The following AMZ1 variants were observed in gnomAD, a reference collection of about 807,000 sequenced individuals.
AMZ1 encodes archaelysin family metallopeptidase 1, also known as archaemetzincin-1.
AMZ1 carries 39 observed loss-of-function variants against 29.9 expected under a neutral mutation model. The ratio of observed to expected loss-of-function variants is 1.30; its 90% CI spans 1.01 to 1.70. The LOEUF (loss-of-function observed/expected upper bound fraction) is 1.70. Among genes scored for constraint, AMZ1 ranks in the 40% most tolerant of loss-of-function variants. AMZ1 has a pLI of 0.00. For synonymous variants in AMZ1, 458 were observed against 304.0 expected (o/e 1.51, Z -5.27); for missense variants, 1,041 against 680.6 (o/e 1.53, Z -5.89).
chr7:2,734,825 G>A (rs1298975373), intron 4 of AMZ1, among the ~76,000 whole-genome samples: 1 of 152,116 alleles, frequency 6.6e-6, no homozygotes, highest in Non-Finnish European at 1.5e-5. Flanking sequence ...GCGAGCACGT[G>A]CACCTCGTGA....
rs551584142 is a variant in AMZ1 at position 2,711,343 on chromosome 7, C to T, written c.949-987C>T. Among the ~76,000 whole-genome samples, 6 of 152,328 alleles carry T rather than the reference C, an allele frequency of 3.9e-5. No homozygotes were observed. In the East Asian group the frequency reaches 1.2e-3, roughly 29 times the overall value. On this transcript the variant is annotated intron_variant, in intron 6 of 6. Transcript: ENST00000683327. ...TCCACTGACAGCAATCAGTGAAATG[C>T]CTCTTGAAGAAAGCCTGACTTGTTG... is the stretch of plus-strand genomic sequence containing the variant.
At position 2,713,233 on chromosome 7, in the gene AMZ1, C is replaced by G. The variant is rs1562377051; in HGVS notation, c.*355C>G. 5.6e-6 allele frequency: 1 copy of G among 178,810 alleles called. No individual in the cohort carries two copies. The highest frequency in any genetic ancestry group is 1.2e-5 in the Non-Finnish European group (1 of 86,034). 11.1% of individuals were successfully genotyped at this position (178,810 alleles called of 1,614,324 possible). On this transcript the variant is annotated 3_prime_UTR_variant, in exon 7 of 7. Coordinates refer to ENST00000683327, the MANE Select transcript of AMZ1 (RefSeq NM_001384743.1). ...CTGCAGTCTGGGCCACACAGAAAGA[C>G]TGTCTCCAGAAAAAAAAAAGTTCTT...
chr7:2,704,795 A>T (rs1788255018), intron 3 of AMZ1, among the ~76,000 whole-genome samples: 1 of 151,692 alleles, frequency 6.6e-6, no homozygotes, highest in Non-Finnish European at 1.5e-5. Context: ...ACGGGGTTTC[A>T]CCGTGTTAGC....
At chr7:2,723,316 G>C (rs992629649), downstream of AMZ1, among the ~76,000 whole-genome samples, 7 of 152,226 alleles carry the variant, frequency 4.6e-5, no homozygotes, top group Admixed American at 1.3e-4. Flanking sequence ...ATGCACCCGG[G>C]TGCATCCAGA....
chr7:2,761,525 C>T (rs551673251), upstream of AMZ1, among the ~76,000 whole-genome samples: 9 of 152,336 alleles, frequency 5.9e-5, no homozygotes, highest in South Asian at 1.7e-3. Flanking sequence ...CTAAAAAGAG[C>T]TGGAACGGAC....
rs1026980800 is a variant in AMZ1, at chr7:2,702,810, C to T, written c.393C>T (p.Cys131=). The T allele has an allele frequency of 5.8e-6, 9 of 1,552,102 alleles. No homozygotes were observed. Among genetic ancestry groups the T allele is most frequent in the African/African-American group, 5.5e-5 (4 of 73,378 alleles). The change falls in exon 3 of 7, where the codon TGC becomes TGT. Residue 131 remains cysteine, a synonymous_variant. Transcript: ENST00000683327. ...TCTTCCTGGGCCTGCGCGTCAAGTG[C>T]CTGCCGTCGGTGGCAGCCGCGTCCA... The part of the protein sequence containing the change: ...EAFFLGLRVK[C]LPSVAAASIR...
intron 4 of AMZ1, among the ~76,000 whole-genome samples, chr7:2,756,822 G>A (rs1791321198): frequency 1.3e-5 from 2 of 152,168 alleles, no homozygotes; most frequent in South Asian, 2.1e-4. Flanking sequence ...CTTGGGCCAG[G>A]TATGGTGGCT....
chr7:2,716,483 G>C lies in AMZ1; in HGVS notation c.*3605G>C, dbSNP rs553229413. 2 of 146,696 alleles carry C rather than the reference G, an allele frequency of 1.4e-5. No homozygotes were observed. The highest frequency in any genetic ancestry group is 3.0e-5 in the Non-Finnish European group (2 of 66,936). 9.1% of individuals were successfully genotyped at this position (146,696 alleles called of 1,614,324 possible). On this transcript the variant is annotated 3_prime_UTR_variant, in exon 7 of 7. Coordinates refer to ENST00000683327, the MANE Select transcript of AMZ1 (RefSeq NM_001384743.1). ...TAATATTTGCTTCAGACCTTTCCCCGATGAACGAAATCTCCAAAAGCCTTA... is the reference window on the plus strand; with the variant it reads ...TAATATTTGCTTCAGACCTTTCCCCCATGAACGAAATCTCCAAAAGCCTTA...
chr7:2,679,936 G>A (rs1050057461), intron 1 of AMZ1, among the ~76,000 whole-genome samples: 6 of 152,216 alleles, frequency 3.9e-5, no homozygotes, highest in African/African-American at 1.4e-4. Context: ...AGGGTGCCTC[G>A]TAGGCAGAGG....
In AMZ1 at chr7:2,756,697, G is replaced by A. The variant is rs534031874; in HGVS notation, n.551-8015G>A. Among the ~76,000 whole-genome samples the A allele has an allele frequency of 1.7e-3, 264 of 152,342 alleles. 3 individuals carry two copies. The highest frequency in any genetic ancestry group is 5.9e-3 in the African/African-American group (244 of 41,584). On this transcript the variant is annotated intron_variant and non_coding_transcript_variant, in intron 4 of 4. Coordinates refer to the AMZ1 transcript ENST00000489665. ...TTCTGTGCTGTCAGAATTCTAAGAT[G>A]AGCCTCGATGACAGACGCCCCTGTC... is the stretch of plus-strand genomic sequence containing the variant.
At chr7:2,720,741 A>G (rs1259476880), downstream of AMZ1, among the ~76,000 whole-genome samples, 1 of 150,706 alleles carries the variant, frequency 6.6e-6, no homozygotes, top group Non-Finnish European at 1.5e-5. Context: ...GGGTCTTGCT[A>G]TGTTGCCCAG....
At position 2,702,750 on chromosome 7, in the gene AMZ1, C is replaced by A. The variant is rs1334270805; in HGVS notation, c.333C>A (p.Ser111=). ...TGAGCGAGGAGCCGGTGGGAAGCTC[C>A]CTGCTGCACCAGCTGTGCAGCTGCA... ...IDLSEEPVGS[S]LLHQLCSCTE... The change falls in exon 3 of 7, where the codon TCC becomes TCA. Residue 111 remains serine, a synonymous_variant. Coordinates refer to ENST00000683327, the MANE Select transcript of AMZ1 (RefSeq NM_001384743.1). The A allele has an allele frequency of 1.3e-6, 2 of 1,539,104 alleles. No individual in the cohort carries two copies. The highest frequency in any genetic ancestry group is 2.0e-5 in the Admixed American group (1 of 50,994).
intron 1 of AMZ1, among the ~76,000 whole-genome samples, chr7:2,696,515 C>A (rs894033790): frequency 3.8e-4 from 57 of 151,264 alleles, no homozygotes; most frequent in Non-Finnish European, 6.6e-4. Context: ...CCTGGGCCTC[C>A]CAAAGTGCTG....
At position 2,715,977 on chromosome 7, in the gene AMZ1, C is replaced by G. The variant is rs746126336; in HGVS notation, c.*3099C>G. On this transcript the variant is annotated 3_prime_UTR_variant, in exon 7 of 7. Transcript: ENST00000683327. ...GCTTTCTCGTCTCATCTGTCAGAAG[C>G]CCCTGCATTCACAAGGATGGGTCTT... 6.6e-6 allele frequency: 1 copy of G among 152,240 alleles called. No individual in the cohort carries two copies. The highest frequency in any genetic ancestry group is 1.5e-5 in the Non-Finnish European group (1 of 68,046). The allele number at this position is 152,240 out of a possible 1,614,324, so 9.4% of individuals were successfully genotyped here.
intron 4 of AMZ1, among the ~76,000 whole-genome samples, chr7:2,755,960 T>C (rs951349659): frequency 3.9e-5 from 6 of 152,180 alleles, no homozygotes; most frequent in South Asian, 2.1e-4. Flanking sequence ...TTGGTAGAAA[T>C]TGACAAGCTC....
At chr7:2,741,915 C>T (rs931737567) in intron 4 of AMZ1, among the ~76,000 whole-genome samples, 1 of 151,518 alleles carries the variant, frequency 6.6e-6, no homozygotes, top group South Asian at 2.1e-4. Context: ...TATACAGATA[C>T]AGCATTATAA....
chr7:2,690,012 A>G (rs1419419124), intron 1 of AMZ1, among the ~76,000 whole-genome samples: 3 of 152,128 alleles, frequency 2.0e-5, no homozygotes, highest in Non-Finnish European at 4.4e-5. Flanking sequence ...GTTTTCCTGA[A>G]TGACCCACGA....
chr7:2,682,866 C>T (rs552831610), intron 1 of AMZ1, among the ~76,000 whole-genome samples: 6 of 152,222 alleles, frequency 3.9e-5, no homozygotes, highest in African/African-American at 1.4e-4. Flanking sequence ...CCTGTGCTCG[C>T]ACGGTTCCTT....
chr7:2,702,046 T>C (rs116618372), intron 2 of AMZ1: 1,647 of 152,586 alleles, frequency 0.011, 20 homozygotes, highest in African/African-American at 0.037. Flanking sequence ...CTTTCCTGGG[T>C]GAGGCTGATG....
Sources: allele counts gnomAD v4.1 joint callset (sites outside exome capture counted in the v4.1 genomes callset), GRCh38; gene constraint gnomAD v4.1.1; transcripts MANE v1.5; gene names NCBI Gene and HGNC (gene_info 2026-07-23, HGNC 2026-07-21).